Variants in TSEN2 observed in about 807,000 individuals in gnomAD.
TSEN2 encodes the protein tRNA splicing endonuclease subunit 2.
TSEN2 carries 54 observed loss-of-function variants against 59.2 expected under a neutral mutation model. That is an observed-to-expected ratio of 0.91 (90% CI 0.73 to 1.14). The LOEUF is 1.14. Ranked by LOEUF, TSEN2 falls within the 50% of genes most tolerant of loss-of-function variation. The probability of loss-of-function intolerance (pLI) is 0.00; values close to 1 mark genes in which losing one functional copy is unlikely to be tolerated. For synonymous variants in TSEN2, 195 were observed against 198.2 expected (o/e 0.98, Z 0.14); for missense variants, 636 against 576.2 (o/e 1.10, Z -1.06).
intron 6 of TSEN2, among the ~76,000 whole-genome samples, chr3:12,511,571 T>TC (rs1169670990): frequency 6.8e-6 from 1 of 146,936 alleles, no homozygotes; most frequent in Non-Finnish European, 1.5e-5. Flanking sequence ...TAATTATGCT[T>TC]TTTTTTTTTT....
chr3:12,516,922 A>C (rs2056183972), intron 7 of TSEN2, among the ~76,000 whole-genome samples: 1 of 152,198 alleles, frequency 6.6e-6, no homozygotes, highest in Non-Finnish European at 1.5e-5. Context: ...TGATTAGGAA[A>C]TCTGTGTCAG....
chr3:12,535,381 A>G (rs1331794380), downstream of TSEN2, among the ~76,000 whole-genome samples: 2 of 152,226 alleles, frequency 1.3e-5, no homozygotes, highest in African/African-American at 2.4e-5. Flanking sequence ...TGCCTTTTAC[A>G]TGATGTAAAA....
Position 12,529,884 on chromosome 3 carries a change from A to T in TSEN2, c.1248+11A>T, listed in dbSNP as rs552442489. ...GTTAATGTCTCTAAGGTAACACAAC[A>T]TCAGCTTTGCCATTGGAGTGTCACT... On this transcript the variant is annotated intron_variant, in intron 10 of 11. Coordinates refer to ENST00000284995, the MANE Select transcript of TSEN2 (RefSeq NM_025265.4). The T allele has an allele frequency of 8.7e-6, 14 of 1,612,574 alleles. No homozygotes were observed. In the African/African-American group the frequency reaches 1.6e-4, roughly 19 times the overall value.
At chr3:12,509,979 TAAG>T (rs2055259698) in intron 6 of TSEN2, among the ~76,000 whole-genome samples, 1 of 152,232 alleles carries the variant, frequency 6.6e-6, no homozygotes, top group Non-Finnish European at 1.5e-5. Context: ...TACAAGTGCT[TAAG>T]GATGTCAGGC....
rs2056485462 is a variant in TSEN2 at position 12,519,853 on chromosome 3, T to A, written c.1099+656T>A. Reference sequence around the variant, plus strand: ...TTATCCCCGGGCCTCAGTGGCCTCATCTGCCAAGTGAGAACAATCATATAA... The same window carrying A: ...TTATCCCCGGGCCTCAGTGGCCTCAACTGCCAAGTGAGAACAATCATATAA... On this transcript the variant is annotated intron_variant, in intron 8 of 11. Transcript: ENST00000284995. Among the ~76,000 whole-genome samples, 5 of 152,258 alleles carry A rather than the reference T, an allele frequency of 3.3e-5. No homozygotes were observed. The South Asian group carries it at 1.0e-3, about 32-fold the overall frequency.
intron 6 of TSEN2, among the ~76,000 whole-genome samples, chr3:12,509,923 C>A (rs1021474031): frequency 6.6e-6 from 1 of 152,128 alleles, no homozygotes; most frequent in Non-Finnish European, 1.5e-5. Context: ...AATTGGAAGG[C>A]TGCTTGGTGA....
At chr3:12,495,696 C>G (rs2053679481) in intron 3 of TSEN2, among the ~76,000 whole-genome samples, 1 of 152,222 alleles carries the variant, frequency 6.6e-6, no homozygotes, top group Non-Finnish European at 1.5e-5. Context: ...TGGGTGTGCT[C>G]ACTTTCCTGT....
At chr3:12,539,029 C>A (rs959072558) in intron 10 of TSEN2, 5 of 370,980 alleles carry the variant, frequency 1.3e-5, no homozygotes, top group Non-Finnish European at 2.6e-5. Flanking sequence ...CAAATAGACT[C>A]AGAAGAGCTC....
chr3:12,500,525 G>A lies in TSEN2; in HGVS notation c.309-2737G>A, dbSNP rs1021834487. Reference sequence around the variant, plus strand: ...TCCAGGACCTAGACCTCCAGAGGCTGCGTTCATCCCTGCACTGCTGCCTCT... The same window carrying A: ...TCCAGGACCTAGACCTCCAGAGGCTACGTTCATCCCTGCACTGCTGCCTCT... On this transcript the variant is annotated intron_variant, in intron 4 of 11. Coordinates refer to ENST00000284995, the MANE Select transcript of TSEN2 (RefSeq NM_025265.4). Among the ~76,000 whole-genome samples, 12 of 152,188 alleles carry A rather than the reference G, an allele frequency of 7.9e-5. 1 individual carries two copies. The East Asian group carries it at 2.3e-3, about 29-fold the overall frequency.
chr3:12,522,743 A>G (rs1257853729), intron 8 of TSEN2, among the ~76,000 whole-genome samples: 1 of 152,226 alleles, frequency 6.6e-6, no homozygotes, highest in African/African-American at 2.4e-5. Flanking sequence ...CCCTTGAATA[A>G]ATCTTGTCAA....
At chr3:12,537,774 A>G (rs899768312), downstream of TSEN2, among the ~76,000 whole-genome samples, 1 of 152,318 alleles carries the variant, frequency 6.6e-6, no homozygotes, top group Non-Finnish European at 1.5e-5. Flanking sequence ...TAAAAGAAGC[A>G]TAATGTTAAG....
chr3:12,487,254 G>A (rs989871495), intron 1 of TSEN2, among the ~76,000 whole-genome samples: 1 of 152,242 alleles, frequency 6.6e-6, no homozygotes, highest in Non-Finnish European at 1.5e-5. Flanking sequence ...GCAGCCACAT[G>A]AGCAAGAGTA....
chr3:12,511,208 G>A (rs1000229413), intron 6 of TSEN2: 2 of 152,154 alleles, frequency 1.3e-5, no homozygotes, highest in Non-Finnish European at 2.9e-5. Context: ...TAGCATGGCT[G>A]TAGGGCGTTA....
chr3:12,489,956 G>A lies in TSEN2; in HGVS notation c.156G>A (p.Arg52=). Reference sequence around the variant, plus strand: ...TGATTAACAACAATGTGATTGTGAGGAATGCGGAGGACATTGAGCAGCTCT... The same window carrying A: ...TGATTAACAACAATGTGATTGTGAGAAATGCGGAGGACATTGAGCAGCTCT... ...AEMINNNVIV[R]NAEDIEQLYG... The change falls in exon 2 of 12, where the codon AGG becomes AGA. Residue 52 remains arginine, a synonymous_variant. Transcript: ENST00000284995. The A allele has an allele frequency of 6.2e-7, 1 of 1,614,196 alleles. No homozygotes were observed. Among genetic ancestry groups the A allele is most frequent in the Non-Finnish European group, 8.5e-7 (1 of 1,180,028 alleles).
intron 6 of TSEN2, among the ~76,000 whole-genome samples, chr3:12,506,994 A>T (rs1460084514): frequency 2.0e-5 from 3 of 152,142 alleles, no homozygotes; most frequent in Non-Finnish European, 2.9e-5. Context: ...GGAGATCGAG[A>T]CCATCCTGGC....
In TSEN2 at chr3:12,505,365, A is replaced by G. The variant is rs1196381166; in HGVS notation, c.909+134A>G. The G allele has an allele frequency of 8.6e-6, 6 of 700,360 alleles. No homozygotes were observed. In the Admixed American group the frequency reaches 1.3e-4, roughly 15 times the overall value. The allele number at this position is 700,360 out of a possible 1,614,324, so 43.4% of individuals were successfully genotyped here. On this transcript the variant is annotated intron_variant, in intron 6 of 11. Coordinates refer to ENST00000284995, the MANE Select transcript of TSEN2 (RefSeq NM_025265.4). ...ATTGTAATTCAGTATTGAAATCACTATGGGTAGCTCCCAAGTAGGCCTGCC... is the reference window on the plus strand; with the variant it reads ...ATTGTAATTCAGTATTGAAATCACTGTGGGTAGCTCCCAAGTAGGCCTGCC...
intron 6 of TSEN2, among the ~76,000 whole-genome samples, chr3:12,515,569 T>C (rs535468039): frequency 6.6e-6 from 1 of 152,344 alleles, no homozygotes; most frequent in Admixed American, 6.5e-5. Flanking sequence ...TTCAGTGGTA[T>C]CTGTAGACCC....
At chr3:12,528,996 T>C (rs757535947) in intron 9 of TSEN2, 72 bp downstream of exon 9, 2 of 1,521,704 alleles carry the variant, frequency 1.3e-6, no homozygotes, top group South Asian at 2.2e-5. Flanking sequence ...AATTTAACTT[T>C]TTGGTGCCAT....
At chr3:12,511,366 A>G (rs921039939) in intron 6 of TSEN2, among the ~76,000 whole-genome samples, 4 of 152,134 alleles carry the variant, frequency 2.6e-5, no homozygotes, top group African/African-American at 9.7e-5. Flanking sequence ...CTACAAACAG[A>G]CCCATTTATA....
Sources: gnomAD v4.1 joint callset for allele counts (sites outside exome capture counted in the v4.1 genomes callset) on GRCh38, gnomAD v4.1.1 for gene constraint, MANE v1.5 for transcripts, NCBI Gene and HGNC (gene_info 2026-07-23, HGNC 2026-07-21) for gene names.